Variants in YJU2 observed in about 807,000 individuals in gnomAD.
YJU2 encodes YJU2 splicing factor homolog, also known as splicing factor YJU2.
Under a neutral mutation model 39.6 loss-of-function variants are expected in YJU2, and 28 were observed. The observed-to-expected ratio is 0.71, with a 90% CI of 0.52 to 0.97. The LOEUF is 0.97. YJU2 is among the 50% of genes least tolerant of loss of function. YJU2 has a pLI of 0.00. For missense variants in YJU2, 328 were observed against 430.4 expected (o/e 0.76, Z 2.11); for synonymous variants, 184 against 182.4 (o/e 1.01, Z -0.07).
At chr19:4,253,599 A>G (rs1340905431) in intron 3 of YJU2, among the ~76,000 whole-genome samples, 4 of 152,130 alleles carry the variant, frequency 2.6e-5, no homozygotes, top group Non-Finnish European at 5.9e-5. Flanking sequence ...TAAAAAACAT[A>G]GTGTTACTAT....
Position 4,255,962 on chromosome 19 carries a change from G to A in YJU2, c.405+1473G>A, listed in dbSNP as rs192819429. Reference sequence around the variant, plus strand: ...GCGGAGGTTGCAGTGAGCCAAGATCGCGCCATTGCACTTCAGCCTGGGCAA... The same window carrying A: ...GCGGAGGTTGCAGTGAGCCAAGATCACGCCATTGCACTTCAGCCTGGGCAA... On this transcript the variant is annotated intron_variant, in intron 4 of 7. Coordinates refer to ENST00000262962, the MANE Select transcript of YJU2 (RefSeq NM_018074.6). Among the ~76,000 whole-genome samples, 18 of 151,674 alleles carry A rather than the reference G, an allele frequency of 1.2e-4. No homozygotes were observed. In the East Asian group the frequency reaches 2.9e-3, roughly 25 times the overall value.
At chr19:4,249,457 T>C (rs1355978194) in intron 2 of YJU2, 129 bp downstream of exon 2, 3 of 627,326 alleles carry the variant, frequency 4.8e-6, no homozygotes, top group Non-Finnish European at 8.3e-6. Flanking sequence ...GGCTCAGACA[T>C]TGACCATTCC....
intron 3 of YJU2, 121 bp downstream of exon 3, chr19:4,251,292 C>A: frequency 9.9e-7 from 1 of 1,006,840 alleles, no homozygotes; most frequent in Non-Finnish European, 1.5e-6. Flanking sequence ...AGTTTATCCC[C>A]AAGAAACAGA....
intron 4 of YJU2, among the ~76,000 whole-genome samples, chr19:4,256,204 A>G (rs1415166526): frequency 6.7e-6 from 1 of 148,186 alleles, no homozygotes; most frequent in South Asian, 2.1e-4. Flanking sequence ...ATATATATAT[A>G]TATGTACACA....
rs1444669172 is a variant in YJU2, at chr19:4,262,096, C to T, written c.690C>T (p.Pro230=). ...SPLQPALRPN[P]TAILDEAPKP... is the part of the protein sequence containing the mutation. ...TGCAGCCAGCCCTTCGGCCCAACCC[C>T]ACCGCCATCCTGGATGAGGTAAGTG... The change falls in exon 6 of 8, where the codon CCC becomes CCT. Residue 230 remains proline, a synonymous_variant. Coordinates refer to ENST00000262962, the MANE Select transcript of YJU2 (RefSeq NM_018074.6). 2.5e-6 allele frequency: 4 copies of T among 1,610,666 alleles called. No homozygotes were observed. Among genetic ancestry groups the T allele is most frequent in the Non-Finnish European group, 3.4e-6 (4 of 1,179,798 alleles).
rs1970926329 is a variant in YJU2, at chr19:4,247,272, C to T, written c.24+102C>T. 11 of 1,100,314 alleles carry T rather than the reference C, an allele frequency of 1.0e-5. 1 individual carries two copies. The highest frequency in any genetic ancestry group is 5.7e-5 in the South Asian group (4 of 69,922). The allele number at this position is 1,100,314 out of a possible 1,614,324, so 68.2% of individuals were successfully genotyped here. A position where few individuals can be genotyped will look rare whatever the true frequency, so the allele number is the denominator to read the frequency against. ...GATCTCTTCTTTGGAACCCTTCTTT[C>T]CCAGCGGCCTTCCGCGAGATGGGGC... is the stretch of plus-strand genomic sequence containing the variant. On this transcript the variant is annotated intron_variant, in intron 1 of 7. Transcript: ENST00000262962.
chr19:4,264,369 G>A (rs562522326), intron 6 of YJU2, among the ~76,000 whole-genome samples: 1 of 149,850 alleles, frequency 6.7e-6, no homozygotes, highest in Non-Finnish European at 1.5e-5. Context: ...GTGCAGTAAT[G>A]CAGTCCCAGC....
chr19:4,264,533 C>T (rs1184187019), intron 6 of YJU2, among the ~76,000 whole-genome samples: 1 of 151,286 alleles, frequency 6.6e-6, no homozygotes, highest in Non-Finnish European at 1.5e-5. Flanking sequence ...GTTGCCCAGG[C>T]TGGAGTGCAG....
intron 2 of YJU2, among the ~76,000 whole-genome samples, chr19:4,249,643 A>G (rs1970959740): frequency 6.7e-6 from 1 of 150,194 alleles, no homozygotes; most frequent in Admixed American, 6.6e-5. Context: ...GCTCGTTCCT[A>G]CCCCAGGGCC....
chr19:4,253,313 C>T (rs1396067000), intron 3 of YJU2, among the ~76,000 whole-genome samples: 3 of 152,074 alleles, frequency 2.0e-5, no homozygotes, highest in Non-Finnish European at 4.4e-5. Context: ...TGCAGTGGCT[C>T]ATGCCTGTAA....
At chr19:4,259,436 GTAGTGCAGTCA>G (rs1264051457) in intron 5 of YJU2, among the ~76,000 whole-genome samples, 1 of 152,086 alleles carries the variant, frequency 6.6e-6, no homozygotes, top group Non-Finnish European at 1.5e-5. Flanking sequence ...CTGGAGTGCA[GTAGTGCAGTCA>G]TAGCTCACTG....
intron 5 of YJU2, among the ~76,000 whole-genome samples, chr19:4,260,061 C>G (rs1393773307): frequency 6.6e-6 from 1 of 152,108 alleles, no homozygotes; most frequent in Non-Finnish European, 1.5e-5. Flanking sequence ...TCCATCCAGA[C>G]AGGCTGGTTC....
intron 3 of YJU2, among the ~76,000 whole-genome samples, chr19:4,252,226 A>G (rs1039760868): frequency 2.6e-5 from 4 of 151,312 alleles, no homozygotes; most frequent in African/African-American, 9.7e-5. Context: ...TTGGGAGGCC[A>G]AGGCAAGTGG....
rs114779580 is a variant in YJU2, at chr19:4,252,113, A to G, written c.270+942A>G. On this transcript the variant is annotated intron_variant, in intron 3 of 7. Transcript: ENST00000262962. The stretch of plus-strand genomic sequence containing the variant: ...AGATAACTTAAAATTTTCTCTTCCT[A>G]TGCTTAAGTACTCTTTGAATACTTT... 3.9e-3 allele frequency among the ~76,000 whole-genome samples: 589 copies of G among 152,262 alleles called. 1 individual carries two copies. The highest frequency in any genetic ancestry group is 0.014 in the African/African-American group (572 of 41,552).
At chr19:4,266,882 G>A (rs1388636227) in intron 6 of YJU2, among the ~76,000 whole-genome samples, 1 of 152,118 alleles carries the variant, frequency 6.6e-6, no homozygotes, top group African/African-American at 2.4e-5. Flanking sequence ...CAGGAGAATC[G>A]CTTGAGCCCA....
chr19:4,262,941 G>T (rs1462943576), intron 6 of YJU2, among the ~76,000 whole-genome samples: 2 of 151,958 alleles, frequency 1.3e-5, no homozygotes, highest in African/African-American at 2.4e-5. Context: ...GAGTGCAGTG[G>T]CTCACGCTTG....
intron 4 of YJU2, among the ~76,000 whole-genome samples, chr19:4,254,691 G>A (rs928218292): frequency 1.2e-4 from 18 of 151,782 alleles, no homozygotes; most frequent in South Asian, 4.2e-4. Flanking sequence ...AGGCTGAGGC[G>A]GGAGGATCAC....
intron 6 of YJU2, among the ~76,000 whole-genome samples, chr19:4,266,696 A>C (rs943458773): frequency 3.3e-5 from 5 of 152,170 alleles, no homozygotes; most frequent in African/African-American, 1.2e-4. Flanking sequence ...AAACAGATTG[A>C]AGAGGCTAGA....
Position 4,251,043 on chromosome 19 carries a change from G to T in YJU2, c.142G>T (p.Glu48Ter). Residue 48 changes from glutamate (E) to a stop codon, truncating the protein, a stop_gained, in exon 3 of 8, where the codon GAA (glutamate) becomes TAA (stop). Transcript: ENST00000262962. LOFTEE classifies it high-confidence loss of function. ...PFNMRCKTCG[E>*]YIYKGKKFNA... Reference sequence around the variant, plus strand: ...GCCCCGCAGGTGTAAGACGTGCGGAGAATACATCTACAAGGGGAAGAAATT... The same window carrying T: ...GCCCCGCAGGTGTAAGACGTGCGGATAATACATCTACAAGGGGAAGAAATT... 1 of 1,614,196 alleles carries T rather than the reference G, an allele frequency of 6.2e-7. No individual in the cohort carries two copies. The highest frequency in any genetic ancestry group is 8.5e-7 in the Non-Finnish European group (1 of 1,180,026).
Sources: allele counts gnomAD v4.1 joint callset (sites outside exome capture counted in the v4.1 genomes callset), GRCh38; gene constraint gnomAD v4.1.1; transcripts MANE v1.5; gene names NCBI Gene and HGNC (gene_info 2026-07-23, HGNC 2026-07-21).